Variants in DPP10 observed in about 807,000 individuals in gnomAD.
DPP10 encodes dipeptidyl peptidase like 10, also known as inactive dipeptidyl peptidase 10.
A neutral mutation model predicts 120.9 loss-of-function variants in DPP10; 33 were observed. The observed-to-expected ratio is 0.27, with a 90% CI of 0.21 to 0.37. The LOEUF (loss-of-function observed/expected upper bound fraction) is 0.37. Ranked by LOEUF, DPP10 falls within the 10% of genes least tolerant of loss-of-function variation. The pLI, the probability that DPP10 is intolerant of heterozygous loss-of-function variation, is 1.00. For missense variants in DPP10, 816 were observed against 942.8 expected (o/e 0.87, Z 1.76); for synonymous variants, 337 against 326.1 (o/e 1.03, Z -0.36).
At chr2:115,299,681 G>A (rs924532556) in intron 1 of DPP10, among the ~76,000 whole-genome samples, 31 of 151,862 alleles carry the variant, frequency 2.0e-4, no homozygotes, top group Non-Finnish European at 1.8e-4. Context: ...ACATTTTTCC[G>A]TGAAATATAG....
At position 114,536,695 on chromosome 2, in the gene DPP10, A is replaced by T. The variant is rs527833677; in HGVS notation, c.60+93857A>T. 7.2e-5 allele frequency among the ~76,000 whole-genome samples: 11 copies of T among 152,230 alleles called. No homozygotes were observed. In the East Asian group the frequency reaches 1.2e-3, roughly 16 times the overall value. ...GCTGGGATTACAGGTGTGAGCCACC[A>T]TGCTTGGCCAACTTTGGTCTGTTCT... On this transcript the variant is annotated intron_variant, in intron 1 of 25. Coordinates refer to ENST00000410059, the MANE Select transcript of DPP10 (RefSeq NM_020868.6).
intron 5 of DPP10, among the ~76,000 whole-genome samples, chr2:115,558,581 C>G (rs2121999): frequency 0.21 from 31,382 of 152,030 alleles, 3,909 homozygotes; most frequent in East Asian, 0.4. Context: ...ATACCACAGT[C>G]TGAAAAGTAC....
Position 115,836,186 on chromosome 2 carries a change from C to T in DPP10, c.1980C>T (p.Ile660=). The T allele has an allele frequency of 6.2e-7, 1 of 1,604,302 alleles. No individual in the cohort carries two copies. The highest frequency in any genetic ancestry group is 1.1e-5 in the South Asian group (1 of 89,306). The stretch of plus-strand genomic sequence containing the variant: ...ATGGTGGCTATATTGCATCAATGAT[C>T]TTAAAATCAGATGAAAAGCTTTTTA... The part of the protein sequence containing the change: ...KGYGGYIASM[I]LKSDEKLFKC... The change falls in exon 22 of 26, where the codon ATC becomes ATT. Residue 660 remains isoleucine, a synonymous_variant. Coordinates refer to ENST00000410059, the MANE Select transcript of DPP10 (RefSeq NM_020868.6).
At chr2:115,517,560 T>C (rs942903423) in intron 4 of DPP10, among the ~76,000 whole-genome samples, 5 of 152,188 alleles carry the variant, frequency 3.3e-5, no homozygotes, top group African/African-American at 1.2e-4. Context: ...AGTTATTTTA[T>C]AACTACAAGA....
chr2:115,219,027 C>T (rs2056987520), intron 1 of DPP10, among the ~76,000 whole-genome samples: 1 of 152,070 alleles, frequency 6.6e-6, no homozygotes, highest in Admixed American at 6.6e-5. Flanking sequence ...TTAGAGATAG[C>T]ATGCATTATC....
intron 1 of DPP10, among the ~76,000 whole-genome samples, chr2:115,152,376 CTA>C (rs2051613906): frequency 6.6e-6 from 1 of 152,194 alleles, no homozygotes; most frequent in South Asian, 2.1e-4. Context: ...GAATTTCATT[CTA>C]TGTTTCCTTG....
intron 7 of DPP10, among the ~76,000 whole-genome samples, chr2:115,718,567 C>A (rs1303507357): frequency 6.6e-6 from 1 of 151,490 alleles, no homozygotes; most frequent in Non-Finnish European, 1.5e-5. Context: ...ATTTTGAGTT[C>A]TATTGCAATC....
At chr2:115,296,034 A>G (rs1410514701) in intron 1 of DPP10, among the ~76,000 whole-genome samples, 1 of 152,120 alleles carries the variant, frequency 6.6e-6, no homozygotes, top group East Asian at 1.9e-4. Flanking sequence ...ATTGGCTTTG[A>G]TGCCTAAGAA....
Position 114,499,808 on chromosome 2 carries a change from G to C in DPP10, c.60+56970G>C, listed in dbSNP as rs145386906. Among the ~76,000 whole-genome samples the C allele has an allele frequency of 1.3e-3, 198 of 152,312 alleles. 3 individuals carry two copies. Among genetic ancestry groups the C allele is most frequent in the Admixed American group, 0.011 (162 of 15,302 alleles). Reference sequence around the variant, plus strand: ...CTTTATGGAATGAAAGCTTCATCCTGTAGATTGGTTCTTGTGATGCTTATT... The same window carrying C: ...CTTTATGGAATGAAAGCTTCATCCTCTAGATTGGTTCTTGTGATGCTTATT... On this transcript the variant is annotated intron_variant, in intron 1 of 25. Transcript: ENST00000410059.
intron 1 of DPP10, among the ~76,000 whole-genome samples, chr2:114,673,399 T>C (rs955043520): frequency 3.3e-5 from 5 of 152,126 alleles, no homozygotes; most frequent in African/African-American, 1.2e-4. Context: ...CAGGAAAGAT[T>C]TAGTGGCTAT....
At chr2:115,188,802 T>G (rs2054652348) in intron 1 of DPP10, among the ~76,000 whole-genome samples, 1 of 152,032 alleles carries the variant, frequency 6.6e-6, no homozygotes, top group Admixed American at 6.5e-5. Context: ...AATCACACTT[T>G]TAGACACCTA....
At chr2:114,569,987 T>C (rs1296812367) in intron 1 of DPP10, among the ~76,000 whole-genome samples, 1 of 152,170 alleles carries the variant, frequency 6.6e-6, no homozygotes, top group Admixed American at 6.5e-5. Flanking sequence ...AATGCTATAT[T>C]TGAACTAAAG....
At chr2:114,704,314 C>A (rs1004775481) in intron 1 of DPP10, among the ~76,000 whole-genome samples, 40 of 152,036 alleles carry the variant, frequency 2.6e-4, no homozygotes, top group Non-Finnish European at 5.4e-4. Context: ...GAAGGAAGGT[C>A]TTAGTCTGAT....
chr2:114,607,616 G>T (rs1692925086), intron 1 of DPP10, among the ~76,000 whole-genome samples: 1 of 152,132 alleles, frequency 6.6e-6, no homozygotes, highest in Non-Finnish European at 1.5e-5. Flanking sequence ...TTCCTTCACA[G>T]CATTTACTGA....
chr2:115,384,530 GAAGA>G (rs2066727603), intron 3 of DPP10, among the ~76,000 whole-genome samples: 1 of 130,048 alleles, frequency 7.7e-6, no homozygotes, highest in Non-Finnish European at 1.6e-5. Flanking sequence ...AGAGGAAGAA[GAAGA>G]AAGAAGAAGA....
At chr2:114,887,891 G>T (rs550373167) in intron 1 of DPP10, among the ~76,000 whole-genome samples, 1 of 152,232 alleles carries the variant, frequency 6.6e-6, no homozygotes, top group South Asian at 2.1e-4. Context: ...TGTTATTCCC[G>T]CACTTTGGGA....
rs149237773 is a variant in DPP10, at chr2:114,514,986, A to G, written c.60+72148A>G. On this transcript the variant is annotated intron_variant, in intron 1 of 25. Transcript: ENST00000410059. Reference sequence around the variant, plus strand: ...AAGCAAGTTGTGCATAAGCAGTATTATACAGCATGCTTCAGTACAGTTTGT... The same window carrying G: ...AAGCAAGTTGTGCATAAGCAGTATTGTACAGCATGCTTCAGTACAGTTTGT... Among the ~76,000 whole-genome samples the G allele has an allele frequency of 1.7e-3, 257 of 152,310 alleles. 1 individual carries two copies. In the East Asian group the frequency reaches 0.027, roughly 16 times the overall value.
chr2:115,161,616 C>T lies in DPP10; in HGVS notation c.61-147623C>T, dbSNP rs977149009. 22 of 204,586 alleles carry T rather than the reference C, an allele frequency of 1.1e-4. No individual in the cohort carries two copies. In the East Asian group the frequency reaches 2.3e-3, roughly 21 times the overall value. The allele number at this position is 204,586 out of a possible 1,614,324, so 12.7% of individuals were successfully genotyped here. ...CGGACTGCGGGAAGAAGGCACGAGGCGTCGCCGCAGCTCGGTCAGGGGCCG... is the reference window on the plus strand; with the variant it reads ...CGGACTGCGGGAAGAAGGCACGAGGTGTCGCCGCAGCTCGGTCAGGGGCCG... On this transcript the variant is annotated intron_variant, in intron 1 of 25. Coordinates refer to ENST00000410059, the MANE Select transcript of DPP10 (RefSeq NM_020868.6).
chr2:115,571,204 T>A (rs1460754839), intron 5 of DPP10, among the ~76,000 whole-genome samples: 1 of 152,226 alleles, frequency 6.6e-6, no homozygotes, highest in East Asian at 1.9e-4. Context: ...AATCACTCTT[T>A]GTCTTTGATT....
Sources: allele counts gnomAD v4.1 joint callset (sites outside exome capture counted in the v4.1 genomes callset), GRCh38; gene constraint gnomAD v4.1.1; transcripts MANE v1.5; gene names NCBI Gene and HGNC (gene_info 2026-07-23, HGNC 2026-07-21).